REXO1: variants seen among roughly 807,000 people sequenced by gnomAD.
The protein encoded by REXO1 is RNA exonuclease 1 homolog.
Under a neutral mutation model 102.6 loss-of-function variants are expected in REXO1, and 42 were observed. The ratio of observed to expected loss-of-function variants is 0.41; its 90% CI spans 0.32 to 0.53. The LOEUF (loss-of-function observed/expected upper bound fraction) is 0.53, where lower values mean the gene tolerates loss of function less well. REXO1 is among the 20% of genes least tolerant of loss of function. REXO1 has a pLI of 0.27. For missense variants in REXO1, 1,819 were observed against 1,732.5 expected, an observed-to-expected ratio of 1.05 and a Z score of -0.89; for synonymous variants, 908 against 779.1, an observed-to-expected ratio of 1.17 and a Z score of -2.76.
At chr19:1,820,734 T>C (rs570055600) in intron 5 of REXO1, among the ~76,000 whole-genome samples, 1 of 152,338 alleles carries the variant, frequency 6.6e-6, no homozygotes, top group East Asian at 1.9e-4. Flanking sequence ...GGCTCACGCC[T>C]ATAATCCCAG....
intron 1 of REXO1, 125 bp downstream of exon 1, chr19:1,848,077 A>C (rs1021521397): frequency 1.1e-5 from 5 of 452,208 alleles, no homozygotes; most frequent in Non-Finnish European, 1.8e-5. Flanking sequence ...GACTGGGAAA[A>C]CCGTCGCCCG....
intron 1 of REXO1, among the ~76,000 whole-genome samples, chr19:1,834,061 G>T (rs1483815290): frequency 6.6e-6 from 1 of 152,190 alleles, no homozygotes; most frequent in African/African-American, 2.4e-5. Flanking sequence ...GCATCTCTAA[G>T]GGGCTAAGGA....
intron 1 of REXO1, among the ~76,000 whole-genome samples, chr19:1,836,727 C>A: frequency 8.9e-6 from 1 of 112,294 alleles, no homozygotes; most frequent in African/African-American, 3.6e-5. Flanking sequence ...GCCTGGGCAA[C>A]AGAGCAAGAC....
chr19:1,841,392 G>A (rs1293111299), intron 1 of REXO1, among the ~76,000 whole-genome samples: 1 of 152,114 alleles, frequency 6.6e-6, no homozygotes, highest in Non-Finnish European at 1.5e-5. Context: ...GGGGAGGAGG[G>A]CGGAGGAGGA....
intron 1 of REXO1, among the ~76,000 whole-genome samples, chr19:1,845,932 G>C (rs1174786049): frequency 1.3e-5 from 2 of 152,182 alleles, no homozygotes; most frequent in African/African-American, 2.4e-5. Context: ...GTGGTAGTAT[G>C]GGCAAAACAC....
chr19:1,848,129 G>C (rs1283298939), intron 1 of REXO1, 73 bp downstream of exon 1: 1 of 767,690 alleles, frequency 1.3e-6, no homozygotes. Context: ...CGGGGACCCC[G>C]GGCGGGACCG....
At chr19:1,816,860 C>T in intron 12 of REXO1, 47 bp from the exon 13 acceptor site, 4 of 1,397,634 alleles carry the variant, frequency 2.9e-6, no homozygotes, top group Non-Finnish European at 4.0e-6. Context: ...CACCGGCCTC[C>T]CTCCCTCCCC....
At chr19:1,843,112 C>T (rs1283749973) in intron 1 of REXO1, among the ~76,000 whole-genome samples, 1 of 152,120 alleles carries the variant, frequency 6.6e-6, no homozygotes, top group Admixed American at 6.5e-5. Flanking sequence ...TCCTCCTCCT[C>T]GAGGCCAGGG....
intron 11 of REXO1, 137 bp downstream of exon 11, chr19:1,817,569 TG>T: frequency 6.9e-7 from 1 of 1,442,810 alleles, no homozygotes; most frequent in Non-Finnish European, 9.3e-7. Flanking sequence ...CTACGTTCTC[TG>T]GGTAACACAA....
chr19:1,829,977 G>A lies in REXO1; in HGVS notation c.158-1346C>T, dbSNP rs2069859961. On this transcript the variant is annotated intron_variant, in intron 1 of 15. Transcript: ENST00000170168. ...GGCTGAAATGTCTTCCCGGGGGGCA[G>A]CTGGGAACATGAGACTCGCATGTTA... Among the ~76,000 whole-genome samples the A allele has an allele frequency of 2.6e-5, 4 of 152,188 alleles. 1 individual carries two copies. Among genetic ancestry groups the A allele is most frequent in the Admixed American group, 2.6e-4 (4 of 15,280 alleles).
chr19:1,819,012 C>A lies in REXO1; in HGVS notation c.2764+6G>T. 1 of 1,597,452 alleles carries A rather than the reference C, an allele frequency of 6.3e-7. No homozygotes were observed. ...ACCGTGTGGCAGAGCAGGGGCAGGGCCTTACCTTTCAGGTCCTCCACCCGG... is the reference window on the plus strand; with the variant it reads ...ACCGTGTGGCAGAGCAGGGGCAGGGACTTACCTTTCAGGTCCTCCACCCGG... On this transcript the variant is annotated splice_donor_region_variant and intron_variant, in intron 8 of 15. Transcript: ENST00000170168.
At position 1,828,160 on chromosome 19, in the gene REXO1, C is replaced by A; in HGVS notation, c.629G>T (p.Arg210Leu). 1 of 1,609,668 alleles carries A rather than the reference C, an allele frequency of 6.2e-7. No homozygotes were observed. Residue 210 changes from arginine to leucine, a missense_variant, in exon 2 of 16, where the codon CGG (arginine) becomes CTG (leucine). Physicochemically the swap from Arg to Leu is moderately radical, Grantham distance 102. Coordinates refer to ENST00000170168, the MANE Select transcript of REXO1 (RefSeq NM_020695.4). ...EYVPKAVSQP[R>L]RHSRPVPSGK... ...ACTGGGAACGGGGCGGCTGTGCCGC[C>A]GGGGCTGGCTCACAGCCTTGGGGAC... is the stretch of plus-strand genomic sequence containing the variant.
chr19:1,828,512 G>T lies in REXO1; in HGVS notation c.277C>A (p.Gln93Lys). 1 of 1,604,854 alleles carries T rather than the reference G, an allele frequency of 6.2e-7. No homozygotes were observed. Among genetic ancestry groups the T allele is most frequent in the East Asian group, 2.2e-5 (1 of 44,870 alleles). Residue 93 changes from glutamine to lysine, a missense_variant, in exon 2 of 16, where the codon CAG (glutamine) becomes AAG (lysine). Gln to Lys is a moderately conservative substitution (Grantham distance 53). Coordinates refer to ENST00000170168, the MANE Select transcript of REXO1 (RefSeq NM_020695.4). ...TCACTGCGCACGGCCTCGATGGCCT[G>T]GTTGACCAGCTCCAACTCCAGCACA... The part of the protein sequence containing the change: ...PDVLELELVN[Q>K]AIEAVRSEVE...
chr19:1,837,907 G>A lies in REXO1; in HGVS notation c.158-9276C>T, dbSNP rs1199535023. 3.9e-5 allele frequency among the ~76,000 whole-genome samples: 6 copies of A among 152,234 alleles called. 1 individual carries two copies. Among genetic ancestry groups the A allele is most frequent in the Admixed American group, 3.3e-4 (5 of 15,280 alleles). On this transcript the variant is annotated intron_variant, in intron 1 of 15. Coordinates refer to ENST00000170168, the MANE Select transcript of REXO1 (RefSeq NM_020695.4). ...TGGGCATTTATTCACCTCATGGGGC[G>A]GCCGTCCCCACATGCCATGACTGGA...
At position 1,815,772 on chromosome 19, in the gene REXO1, A is replaced by C; in HGVS notation, c.*294T>G. On this transcript the variant is annotated 3_prime_UTR_variant, in exon 16 of 16. Coordinates refer to ENST00000170168, the MANE Select transcript of REXO1 (RefSeq NM_020695.4). This position sits in a 1 kb window ranked among gnomAD's most constrained non-coding sequence, Gnocchi z 4.0. ...GGAGGGAGGGCCTGGCAGGAGGGGC[A>C]GGAGGGGCTGCGGGCCGGGTGGGGG... 2 of 1,438,786 alleles carry C rather than the reference A, an allele frequency of 1.4e-6. No individual in the cohort carries two copies. The highest frequency in any genetic ancestry group is 1.4e-5 in the African/African-American group (1 of 71,116). 89.1% of individuals were successfully genotyped at this position (1,438,786 alleles called of 1,614,324 possible). A position where few individuals can be genotyped will look rare whatever the true frequency, so the allele number is the denominator to read the frequency against.
intron 10 of REXO1, 115 bp from the exon 11 acceptor site, chr19:1,817,895 A>T (rs780274275): frequency 2.3e-5 from 18 of 785,018 alleles, no homozygotes; most frequent in Non-Finnish European, 3.8e-5. Context: ...TGAGGACAGG[A>T]GGCCTCAGCC....
At position 1,827,471 on chromosome 19, in the gene REXO1, C is replaced by A; in HGVS notation, c.1318G>T (p.Ala440Ser). The A allele has an allele frequency of 6.4e-7, 1 of 1,572,210 alleles. No individual in the cohort carries two copies. Among genetic ancestry groups the A allele is most frequent in the South Asian group, 1.2e-5 (1 of 86,460 alleles). ...PEGTKKKPSS[A>S]TPVATSGKGR... ...TTCCCTGAGGTGGCCACAGGAGTGG[C>A]CGAAGATGGCTTCTTCTTGGTCCCT... The change falls in exon 2 of 16, where the codon GCC becomes TCC. Residue 440 changes from alanine to serine, a missense_variant. Ala to Ser is a moderately conservative substitution (Grantham distance 99). Coordinates refer to ENST00000170168, the MANE Select transcript of REXO1 (RefSeq NM_020695.4).
chr19:1,821,880 G>A, intron 4 of REXO1, 198 bp from the exon 5 acceptor site: 3 of 600,708 alleles, frequency 5.0e-6, no homozygotes, highest in Non-Finnish European at 8.7e-6. Context: ...CGAGGCAGAG[G>A]ACACAGGTCA....
rs1414533252 is a variant in REXO1 at position 1,831,857 on chromosome 19, AAAAAAAAAAAG to A, written c.158-3237_158-3227del. Among the ~76,000 whole-genome samples, 155 of 56,254 alleles carry A rather than the reference AAAAAAAAAAAG, an allele frequency of 2.8e-3. 1 individual carries two copies. Among genetic ancestry groups the A allele is most frequent in the Non-Finnish European group, 5.9e-3 (88 of 14,908 alleles). 36.9% of individuals were successfully genotyped at this position (56,254 alleles called of 152,430 possible). On this transcript the variant is annotated intron_variant, in intron 1 of 15. Coordinates refer to ENST00000170168, the MANE Select transcript of REXO1 (RefSeq NM_020695.4). ...CAAAACTCCATCTCAAAAAAAAAAA[AAAAAAAAAAAG>A]AAAGAAAAAGAAAAAGAAAAAAAGA...
Sources: allele counts gnomAD v4.1 joint callset (sites outside exome capture counted in the v4.1 genomes callset), GRCh38; gene constraint gnomAD v4.1.1; non-coding constraint Gnocchi (gnomAD v3.1); transcripts MANE v1.5; gene names NCBI Gene and HGNC (gene_info 2026-07-23, HGNC 2026-07-21).